PCDHGA3: variants seen among roughly 807,000 people sequenced by gnomAD.
PCDHGA3 encodes the protein protocadherin gamma-A3.
A neutral mutation model predicts 58.5 loss-of-function variants in PCDHGA3; 40 were observed. The ratio of observed to expected loss-of-function variants is 0.68; its 90% CI spans 0.53 to 0.89. The LOEUF is 0.89. Ranked by LOEUF, PCDHGA3 falls within the 40% of genes least tolerant of loss-of-function variation. PCDHGA3 has a pLI of 0.00. For synonymous variants in PCDHGA3, 530 were observed against 525.7 expected (o/e 1.01, Z -0.11); for missense variants, 1,223 against 1,195.9 (o/e 1.02, Z -0.33).
chr5:141,421,837 G>A, intron 1 of PCDHGA3: 1 of 1,613,782 alleles, frequency 6.2e-7, no homozygotes. Flanking sequence ...CCTGGACCGA[G>A]AGAAAGAGGC....
rs749000978 is a variant in PCDHGA3, at chr5:141,346,366, C to T, written c.2333C>T (p.Thr778Met). 6.2e-6 allele frequency: 10 copies of T among 1,614,242 alleles called. No homozygotes were observed. The Admixed American group carries it at 1.3e-4, about 22-fold the overall frequency. The change falls in exon 1 of 4, where the codon ACG becomes ATG. Residue 778 changes from threonine to methionine, a missense_variant. By Grantham distance (81) the Thr-to-Met change is moderately conservative. Around this residue, in one of 3 missense-constraint regions of PCDHGA3, gnomAD observed 325 missense variants for 327.5 expected, o/e 0.99. Coordinates refer to ENST00000253812, the MANE Select transcript of PCDHGA3 (RefSeq NM_018916.4). ...TTCCCCCAGCCCAACTATGCGGACACGCTCATCAGCCAGGAGAGCTGTGAG... is the reference window on the plus strand; with the variant it reads ...TTCCCCCAGCCCAACTATGCGGACATGCTCATCAGCCAGGAGAGCTGTGAG... ...LIFPQPNYAD[T>M]LISQESCEKS...
chr5:141,422,069 C>A, intron 1 of PCDHGA3: 3 of 1,611,836 alleles, frequency 1.9e-6, no homozygotes, highest in Non-Finnish European at 2.5e-6. Flanking sequence ...GTAATGTATT[C>A]ATTTCGGAAC....
intron 1 of PCDHGA3, chr5:141,361,642 T>C: frequency 6.2e-7 from 1 of 1,613,838 alleles, no homozygotes; most frequent in Non-Finnish European, 8.5e-7. Flanking sequence ...GGAGATTTTA[T>C]CCTACGTGTC....
chr5:141,428,233 C>A, intron 1 of PCDHGA3: 1 of 1,049,106 alleles, frequency 9.5e-7, no homozygotes, highest in Non-Finnish European at 1.4e-6. Context: ...AGACAGCCTG[C>A]AGGAGGCACT....
rs758409280 is a variant in PCDHGA3, at chr5:141,366,109, G to A, written c.2424+19652G>A. ...GCTACCTGGTGACCAAGGTGGTAGC[G>A]GTGGACAAAGATTCAGGCCAGAACG... On this transcript the variant is annotated intron_variant, in intron 1 of 3. Transcript: ENST00000253812. 1.4e-5 allele frequency: 23 copies of A among 1,614,104 alleles called. No individual in the cohort carries two copies. The Admixed American group carries it at 2.2e-4, about 15-fold the overall frequency.
At chr5:141,380,964 T>G (rs774157943) in intron 1 of PCDHGA3, among the ~76,000 whole-genome samples, 7 of 152,256 alleles carry the variant, frequency 4.6e-5, no homozygotes, top group Non-Finnish European at 1.0e-4. Flanking sequence ...TCAAAAGTAC[T>G]ATTAAACAAA....
intron 1 of PCDHGA3, chr5:141,399,845 T>G: frequency 6.2e-7 from 1 of 1,612,982 alleles, no homozygotes; most frequent in Non-Finnish European, 8.5e-7. Context: ...CTCTTCGATA[T>G]GGTGCCGCGC....
rs1375469711 is a variant in PCDHGA3 at position 141,512,102 on chromosome 5, C to G, written c.*929C>G. On this transcript the variant is annotated 3_prime_UTR_variant, in exon 4 of 4. Coordinates refer to ENST00000253812, the MANE Select transcript of PCDHGA3 (RefSeq NM_018916.4). Reference sequence around the variant, plus strand: ...GCCATAAACCAATAACTAGGCTGGACCCTTCCCACTACATAATAGGGCTCA... The same window carrying G: ...GCCATAAACCAATAACTAGGCTGGAGCCTTCCCACTACATAATAGGGCTCA... The G allele has an allele frequency of 6.5e-6, 1 of 152,806 alleles. No individual in the cohort carries two copies. The highest frequency in any genetic ancestry group is 1.9e-4 in the East Asian group (1 of 5,182). The allele number at this position is 152,806 out of a possible 1,614,324, so 9.5% of individuals were successfully genotyped here. A position where few individuals can be genotyped will look rare whatever the true frequency, so the allele number is the denominator to read the frequency against.
rs192201180 is a variant in PCDHGA3 at position 141,364,242 on chromosome 5, G to A, written c.2424+17785G>A. On this transcript the variant is annotated intron_variant, in intron 1 of 3. Transcript: ENST00000253812. ...AAGCCAACGCTCCACGCCCATTTTC[G>A]TCAGGGAATATGTACCCATCGGCTT... 8 of 1,451,338 alleles carry A rather than the reference G, an allele frequency of 5.5e-6. No homozygotes were observed. The East Asian group carries it at 7.2e-5, about 13-fold the overall frequency. 89.9% of individuals were successfully genotyped at this position (1,451,338 alleles called of 1,614,324 possible).
chr5:141,432,271 C>T lies in PCDHGA3; in HGVS notation c.2425-62536C>T. On this transcript the variant is annotated intron_variant, in intron 1 of 3. Transcript: ENST00000253812. The surrounding 1 kb of genome is among the most constrained non-coding windows in gnomAD (Gnocchi z 6.0). ...TCCAAGGGGCAAGCCTATCGTCCTA[C>T]GTGTCCATCAACTCCGACACTGGGG... is the stretch of plus-strand genomic sequence containing the variant. The T allele has an allele frequency of 6.2e-7, 1 of 1,614,264 alleles. No individual in the cohort carries two copies. Among genetic ancestry groups the T allele is most frequent in the Non-Finnish European group, 8.5e-7 (1 of 1,180,050 alleles).
intron 1 of PCDHGA3, chr5:141,385,646 C>A: frequency 1.4e-6 from 1 of 737,590 alleles, no homozygotes; most frequent in Non-Finnish European, 1.7e-6. Flanking sequence ...TTTCATATTG[C>A]ACAAGGTTAG....
At chr5:141,394,268 C>A in intron 1 of PCDHGA3, 3 of 1,613,946 alleles carry the variant, frequency 1.9e-6, no homozygotes, top group Non-Finnish European at 2.5e-6. Flanking sequence ...AGGAGAATGC[C>A]CAGGTCACTT....
rs1203945578 is a variant in PCDHGA3 at position 141,512,055 on chromosome 5, T to G, written c.*882T>G. 6.5e-6 allele frequency: 1 copy of G among 152,698 alleles called. No homozygotes were observed. The highest frequency in any genetic ancestry group is 1.5e-5 in the Non-Finnish European group (1 of 68,092). 9.5% of individuals were successfully genotyped at this position (152,698 alleles called of 1,614,324 possible). The stretch of plus-strand genomic sequence containing the variant: ...GAGGCTCTGTATGTCCTCAGGGGAC[T>G]GACAACATCCTCCAGATTCCAGCCA... On this transcript the variant is annotated 3_prime_UTR_variant, in exon 4 of 4. Transcript: ENST00000253812.
Position 141,431,021 on chromosome 5 carries a change from G to A in PCDHGA3, c.2425-63786G>A. On this transcript the variant is annotated intron_variant, in intron 1 of 3. Coordinates refer to ENST00000253812, the MANE Select transcript of PCDHGA3 (RefSeq NM_018916.4). This position sits in a 1 kb window ranked among gnomAD's most constrained non-coding sequence, Gnocchi z 4.8. ...GCGCAGCGGCAGCTTGGTCACGGCG[G>A]GCAGGATAGACCGGGAGGAGCTCTG... is the stretch of plus-strand genomic sequence containing the variant. 1 of 1,613,940 alleles carries A rather than the reference G, an allele frequency of 6.2e-7. No individual in the cohort carries two copies. Among genetic ancestry groups the A allele is most frequent in the Non-Finnish European group, 8.5e-7 (1 of 1,179,936 alleles).
chr5:141,410,665 G>A, intron 1 of PCDHGA3: 1 of 1,569,394 alleles, frequency 6.4e-7, no homozygotes, highest in Non-Finnish European at 8.6e-7. Context: ...TAGTCTACTA[G>A]TTTCTCATAT....
At chr5:141,424,526 T>C (rs1020206614) in intron 1 of PCDHGA3, 2 of 152,216 alleles carry the variant, frequency 1.3e-5, no homozygotes, top group Non-Finnish European at 2.9e-5. Context: ...AGTAAATCCA[T>C]ATATAGAAAT....
chr5:141,510,448 C>T (rs1339979584), intron 3 of PCDHGA3, among the ~76,000 whole-genome samples: 1 of 152,016 alleles, frequency 6.6e-6, no homozygotes, highest in Non-Finnish European at 1.5e-5. Context: ...TCCAGGAGCC[C>T]ATGGTCTAGT....
chr5:141,359,108 A>G (rs1202027326), intron 1 of PCDHGA3, among the ~76,000 whole-genome samples: 1 of 152,248 alleles, frequency 6.6e-6, no homozygotes, highest in Non-Finnish European at 1.5e-5. Flanking sequence ...TTGTATTCAT[A>G]GAAAGTTGTG....
rs371979287 is a variant in PCDHGA3, at chr5:141,384,185, C to A, written c.2424+37728C>A. On this transcript the variant is annotated intron_variant, in intron 1 of 3. Transcript: ENST00000253812. Reference sequence around the variant, plus strand: ...ACACTGAAAGCCACAGATGGTGGAACTCCTCCCTTGTCCAGGGAAACTCAC... The same window carrying A: ...ACACTGAAAGCCACAGATGGTGGAAATCCTCCCTTGTCCAGGGAAACTCAC... The A allele has an allele frequency of 6.2e-7, 1 of 1,613,718 alleles. No homozygotes were observed. Among genetic ancestry groups the A allele is most frequent in the Non-Finnish European group, 8.5e-7 (1 of 1,179,848 alleles).
Sources: allele counts gnomAD v4.1 joint callset (sites outside exome capture counted in the v4.1 genomes callset), GRCh38; gene constraint gnomAD v4.1.1; regional missense constraint gnomAD v4.1.1; non-coding constraint Gnocchi (gnomAD v3.1); transcripts MANE v1.5; gene names NCBI Gene and HGNC (gene_info 2026-07-23, HGNC 2026-07-21).